Variants in SHANK2 observed in about 807,000 individuals in gnomAD.
SHANK2 encodes SH3 and multiple ankyrin repeat domains protein 2.
SHANK2 carries 43 observed loss-of-function variants against 133.7 expected under a neutral mutation model. The observed-to-expected ratio is 0.32, with a 90% confidence interval of 0.25 to 0.41. The LOEUF is 0.41. Among genes scored for constraint, SHANK2 ranks in the 10% least tolerant of loss-of-function variants. The pLI, the probability that SHANK2 is intolerant of heterozygous loss-of-function variation, is 1.00. For synonymous variants in SHANK2, 1,017 were observed against 952.8 expected (o/e 1.07, Z -1.24); for missense variants, 1,994 against 2,235.8 (o/e 0.89, Z 2.18).
At chr11:70,709,569 G>T (rs1945734793) in intron 14 of SHANK2, among the ~76,000 whole-genome samples, 1 of 152,200 alleles carries the variant, frequency 6.6e-6, no homozygotes, top group South Asian at 2.1e-4. Flanking sequence ...CAGCCATCCT[G>T]ACATCCCATG....
intron 11 of SHANK2, among the ~76,000 whole-genome samples, chr11:70,860,702 T>G (rs1253214996): frequency 1.5e-4 from 23 of 152,150 alleles, no homozygotes. Context: ...AATGCGAGCA[T>G]GCATTTATAG....
At chr11:71,130,173 T>C (rs117458069) in intron 3 of SHANK2, among the ~76,000 whole-genome samples, 1,841 of 152,306 alleles carry the variant, frequency 0.012, 12 homozygotes, top group East Asian at 0.02. Flanking sequence ...ATGACTTCAT[T>C]CAATATAGAA....
chr11:70,591,251 T>A (rs548884433), intron 17 of SHANK2, among the ~76,000 whole-genome samples: 1 of 151,416 alleles, frequency 6.6e-6, no homozygotes, highest in Admixed American at 6.6e-5. Context: ...ACTAGGGAGA[T>A]TGAGGCAGGA....
intron 10 of SHANK2, among the ~76,000 whole-genome samples, chr11:70,933,782 T>C (rs1384164414): frequency 6.6e-6 from 1 of 151,204 alleles, no homozygotes; most frequent in African/African-American, 2.4e-5. Flanking sequence ...TAGCTGGGCA[T>C]GGTGGCGCAC....
At chr11:70,885,213 C>T (rs1429608802) in intron 11 of SHANK2, among the ~76,000 whole-genome samples, 4 of 152,284 alleles carry the variant, frequency 2.6e-5, no homozygotes, top group Admixed American at 2.0e-4. Context: ...GCGCAGGGAC[C>T]GCATGGTGAG....
At chr11:71,207,743 G>A (rs1555118213) in intron 2 of SHANK2, among the ~76,000 whole-genome samples, 3 of 152,164 alleles carry the variant, frequency 2.0e-5, no homozygotes. Flanking sequence ...CTCTCAGCCA[G>A]GTCTTCCAGT....
intron 14 of SHANK2, among the ~76,000 whole-genome samples, chr11:70,783,794 C>A (rs1415993985): frequency 6.6e-6 from 1 of 152,182 alleles, no homozygotes; most frequent in East Asian, 1.9e-4. Context: ...TGTTACGCGC[C>A]ACACAGAAAA....
At chr11:70,724,092 G>A (rs1555029947) in intron 14 of SHANK2, among the ~76,000 whole-genome samples, 2 of 150,530 alleles carry the variant, frequency 1.3e-5, no homozygotes, top group East Asian at 1.9e-4. Flanking sequence ...CTGGAGTGCA[G>A]TGGCATGATC....
At chr11:70,895,958 C>T (rs965018009) in intron 11 of SHANK2, among the ~76,000 whole-genome samples, 5 of 152,060 alleles carry the variant, frequency 3.3e-5, no homozygotes, top group Non-Finnish European at 7.3e-5. Context: ...GTCATCAACA[C>T]CCCCCTGGAG....
chr11:70,709,031 CA>C (rs1457409660), intron 14 of SHANK2, among the ~76,000 whole-genome samples: 1 of 152,070 alleles, frequency 6.6e-6, no homozygotes, highest in African/African-American at 2.4e-5. Flanking sequence ...ACCAACATGG[CA>C]AAACCCCATC....
intron 1 of SHANK2, among the ~76,000 whole-genome samples, chr11:71,246,900 T>C (rs1954968103): frequency 6.6e-6 from 1 of 152,180 alleles, no homozygotes; most frequent in East Asian, 1.9e-4. Context: ...TTTCTAAAAA[T>C]CTGTAATATA....
chr11:70,533,292 G>C (rs1469812079), intron 17 of SHANK2, among the ~76,000 whole-genome samples: 5 of 152,142 alleles, frequency 3.3e-5, no homozygotes, highest in African/African-American at 7.2e-5. Flanking sequence ...GTCTTGCTGT[G>C]TTGTCTAGGC....
chr11:70,492,600 C>T, intron 21 of SHANK2, 135 bp from the exon 22 acceptor site: 2 of 1,161,734 alleles, frequency 1.7e-6, no homozygotes, highest in Non-Finnish European at 2.5e-6. Flanking sequence ...CTGTGAGGAG[C>T]ATGCGTGTGC....
Position 70,739,333 on chromosome 11 carries a change from TC to T in SHANK2, c.1778-40571del, listed in dbSNP as rs1168969367. Among the ~76,000 whole-genome samples the T allele has an allele frequency of 6.6e-6, 1 of 151,882 alleles. No individual in the cohort carries two copies. The highest frequency in any genetic ancestry group is 2.4e-5 in the African/African-American group (1 of 41,344). On this transcript the variant is annotated intron_variant, in intron 14 of 25. Transcript: ENST00000601538. This position sits in a 1 kb window ranked among gnomAD's most constrained non-coding sequence, Gnocchi z 4.3. ...CCACACATCTCCACACATCTCCACC[TC>T]CCCACAGAAGGGAGGAGGCCAGGAG...
At chr11:71,178,866 C>T (rs1223486648) in intron 2 of SHANK2, among the ~76,000 whole-genome samples, 13 of 152,044 alleles carry the variant, frequency 8.6e-5, no homozygotes, top group Non-Finnish European at 1.3e-4. Context: ...GCCTGTAATC[C>T]CAGCTACTCA....
intron 15 of SHANK2, among the ~76,000 whole-genome samples, chr11:70,662,848 C>CGGCTGA (rs1323985236): frequency 6.6e-6 from 1 of 152,126 alleles, no homozygotes; most frequent in Non-Finnish European, 1.5e-5. Context: ...CTCCAGGCTG[C>CGGCTGA]GGCTGAACTG....
chr11:70,950,811 A>G (rs1950823154), intron 10 of SHANK2, among the ~76,000 whole-genome samples: 1 of 151,654 alleles, frequency 6.6e-6, no homozygotes, highest in Non-Finnish European at 1.5e-5. Flanking sequence ...GTGTGTATGT[A>G]TGTGTTTTTT....
chr11:70,695,994 G>A (rs929442111), intron 15 of SHANK2, among the ~76,000 whole-genome samples: 2 of 131,048 alleles, frequency 1.5e-5, no homozygotes, highest in African/African-American at 5.0e-5. Context: ...CCTCTCTGAG[G>A]TGAGGTCCCA....
At chr11:71,242,796 G>A (rs183323699) in intron 1 of SHANK2, among the ~76,000 whole-genome samples, 6 of 152,344 alleles carry the variant, frequency 3.9e-5, no homozygotes, top group South Asian at 2.1e-4. Flanking sequence ...TCAAGGGCAC[G>A]TGGAACATTC....
Sources: gnomAD v4.1 joint callset for allele counts (sites outside exome capture counted in the v4.1 genomes callset) on GRCh38, gnomAD v4.1.1 for gene constraint, Gnocchi (gnomAD v3.1) non-coding constraint, MANE v1.5 for transcripts, NCBI Gene and HGNC (gene_info 2026-07-23, HGNC 2026-07-21) for gene names.